The following TMC1 variants were observed in gnomAD, a reference collection of about 807,000 sequenced individuals.
TMC1 encodes the protein transmembrane channel like 1.
TMC1 carries 84 observed loss-of-function variants against 105.8 expected under a neutral mutation model. The observed-to-expected ratio is 0.79, with a 90% CI of 0.67 to 0.95. The LOEUF (loss-of-function observed/expected upper bound fraction) is 0.95, where lower values mean the gene tolerates loss of function less well. Ranked by LOEUF, TMC1 falls within the 40% of genes least tolerant of loss-of-function variation. The pLI is 0.00. For synonymous variants in TMC1, 315 were observed against 311.5 expected (o/e 1.01, Z -0.12); for missense variants, 817 against 914.1 (o/e 0.89, Z 1.37).
intron 23 of TMC1, among the ~76,000 whole-genome samples, chr9:72,834,625 T>A (rs1829092944): frequency 6.6e-6 from 1 of 152,154 alleles, no homozygotes; most frequent in African/African-American, 2.4e-5. Flanking sequence ...CGGGTGGGGC[T>A]CAGCTTTCAA....
chr9:72,789,238 T>G lies in TMC1; in HGVS notation c.1145T>G (p.Leu382Arg). Residue 382 changes from leucine (L) to arginine (R), a missense_variant, in exon 15 of 24, where the codon CTC becomes CGC. Coordinates refer to ENST00000297784, the MANE Select transcript of TMC1 (RefSeq NM_138691.3). ...CTAACACTTGGAGGGAGTGGATACCTCATCTTTTGGGCTGTGAAGCGATCC... is the reference window on the plus strand; with the variant it reads ...CTAACACTTGGAGGGAGTGGATACCGCATCTTTTGGGCTGTGAAGCGATCC... ...VFLTLGGSGYLIFWAVKRSQE... is the reference protein window; with the variant it reads ...VFLTLGGSGYRIFWAVKRSQE... 1 of 1,614,054 alleles carries G rather than the reference T, an allele frequency of 6.2e-7. No homozygotes were observed. The highest frequency in any genetic ancestry group is 8.5e-7 in the Non-Finnish European group (1 of 1,179,946).
intron 10 of TMC1, among the ~76,000 whole-genome samples, chr9:72,747,441 C>G (rs2118041522): frequency 6.6e-6 from 1 of 152,262 alleles, no homozygotes; most frequent in Non-Finnish European, 1.5e-5. Flanking sequence ...CTACAAATTA[C>G]TTTGCCTTAA....
At chr9:72,744,560 A>G (rs923618308) in intron 10 of TMC1, among the ~76,000 whole-genome samples, 3 of 152,198 alleles carry the variant, frequency 2.0e-5, no homozygotes, top group Non-Finnish European at 4.4e-5. Flanking sequence ...ATATATAGTA[A>G]GAACTCTGAA....
chr9:72,662,335 C>T (rs118045309), intron 5 of TMC1, among the ~76,000 whole-genome samples: 6,245 of 151,432 alleles, frequency 0.041, 206 homozygotes, highest in Non-Finnish European at 0.058. Context: ...CACAGATGTG[C>T]GCCACCACAC....
intron 12 of TMC1, among the ~76,000 whole-genome samples, chr9:72,772,056 C>G (rs1827935489): frequency 6.6e-6 from 1 of 152,074 alleles, no homozygotes; most frequent in African/African-American, 2.4e-5. Context: ...TTTCAGATCC[C>G]CATCCCCTAG....
intron 6 of TMC1, 54 bp from the exon 7 acceptor site, chr9:72,694,489 T>C (rs1241919558): frequency 7.9e-6 from 12 of 1,512,496 alleles, no homozygotes; most frequent in Non-Finnish European, 1.1e-5. Context: ...ATAAGCTTGG[T>C]AGTGGGAGGA....
At chr9:72,806,397 G>C (rs1316086535) in intron 18 of TMC1, among the ~76,000 whole-genome samples, 1 of 142,380 alleles carries the variant, frequency 7.0e-6, no homozygotes, top group Admixed American at 6.8e-5. Flanking sequence ...CCGGGCGGGG[G>C]GCTGACGCCC....
At chr9:72,819,309 C>T (rs1453001122) in intron 19 of TMC1, among the ~76,000 whole-genome samples, 1 of 152,178 alleles carries the variant, frequency 6.6e-6, no homozygotes, top group Non-Finnish European at 1.5e-5. Context: ...AGTGATGTCA[C>T]CACCTGATTT....
chr9:72,638,790 TA>T (rs1825576429), intron 4 of TMC1, among the ~76,000 whole-genome samples: 1 of 152,348 alleles, frequency 6.6e-6, no homozygotes. Flanking sequence ...GATTTTGGAC[TA>T]AAATCCAGTT....
intron 1 of TMC1, among the ~76,000 whole-genome samples, chr9:72,539,770 AACATTTC>A (rs1823644835): frequency 6.6e-6 from 1 of 152,218 alleles, no homozygotes; most frequent in Admixed American, 6.5e-5. Context: ...TCTTTACAGC[AACATTTC>A]ACTACTTGGT....
chr9:72,763,317 T>C (rs1333990233), intron 12 of TMC1, among the ~76,000 whole-genome samples: 1 of 152,132 alleles, frequency 6.6e-6, no homozygotes, highest in East Asian at 1.9e-4. Flanking sequence ...ATTTGCCAGG[T>C]GCCAGGCATT....
chr9:72,673,819 C>T (rs1055343882), intron 5 of TMC1, among the ~76,000 whole-genome samples: 4 of 152,118 alleles, frequency 2.6e-5, no homozygotes, highest in Admixed American at 6.6e-5. Flanking sequence ...CTGACTGTTT[C>T]CCTAGAGAAT....
intron 1 of TMC1, among the ~76,000 whole-genome samples, chr9:72,548,275 A>T (rs1823804275): frequency 1.3e-5 from 2 of 152,204 alleles, no homozygotes; most frequent in Admixed American, 6.5e-5. Flanking sequence ...ATTTATTATT[A>T]TTAAAAGTCT....
chr9:72,650,076 T>A (rs1199467555), intron 5 of TMC1, among the ~76,000 whole-genome samples: 2 of 152,220 alleles, frequency 1.3e-5, no homozygotes, highest in Non-Finnish European at 2.9e-5. Context: ...TAATATATGC[T>A]GTTGCAGAAA....
chr9:72,772,303 G>A, intron 12 of TMC1, 110 bp from the exon 13 acceptor site: 1 of 1,400,838 alleles, frequency 7.1e-7, no homozygotes, highest in Non-Finnish European at 1.0e-6. Context: ...TCAGAGCTGT[G>A]ACCCAAGTTT....
intron 5 of TMC1, among the ~76,000 whole-genome samples, chr9:72,665,710 A>T (rs949457569): frequency 3.3e-5 from 5 of 152,226 alleles, no homozygotes; most frequent in Non-Finnish European, 7.3e-5. Context: ...CTTAGTTTAC[A>T]GAGATTAATC....
intron 4 of TMC1, among the ~76,000 whole-genome samples, chr9:72,630,132 C>G (rs979394620): frequency 1.3e-5 from 2 of 152,152 alleles, no homozygotes; most frequent in Admixed American, 1.3e-4. Context: ...TCCCAAAGTG[C>G]TGAGATTACA....
intron 12 of TMC1, among the ~76,000 whole-genome samples, chr9:72,768,002 A>G (rs1285857174): frequency 3.3e-5 from 5 of 152,244 alleles, no homozygotes; most frequent in Non-Finnish European, 5.9e-5. Context: ...AATATGCTAC[A>G]AAGATGGATT....
At chr9:72,792,915 G>A (rs554444711) in intron 17 of TMC1, among the ~76,000 whole-genome samples, 1 of 152,266 alleles carries the variant, frequency 6.6e-6, no homozygotes, top group East Asian at 1.9e-4. Context: ...GCAGAGAAAA[G>A]CAAGGCAGGG....
Sources: allele counts gnomAD v4.1 joint callset (sites outside exome capture counted in the v4.1 genomes callset), GRCh38; gene constraint gnomAD v4.1.1; transcripts MANE v1.5; gene names NCBI Gene and HGNC (gene_info 2026-07-23, HGNC 2026-07-21).